TXK: variants seen among roughly 807,000 people sequenced by gnomAD.
TXK encodes the protein TXK tyrosine kinase.
Under a neutral mutation model 81.0 loss-of-function variants are expected in TXK, and 60 were observed. That is an observed-to-expected ratio of 0.74 (90% CI 0.60 to 0.92). The LOEUF (loss-of-function observed/expected upper bound fraction) is 0.92. Ranked by LOEUF, TXK falls within the 40% of genes least tolerant of loss-of-function variation. The pLI, the probability that TXK is intolerant of heterozygous loss-of-function variation, is 0.00. For missense variants in TXK, 581 were observed against 638.3 expected (o/e 0.91, Z 0.97); for synonymous variants, 203 against 210.7 (o/e 0.96, Z 0.32).
intron 1 of TXK, among the ~76,000 whole-genome samples, chr4:48,128,067 C>T (rs1560364452): frequency 1.3e-5 from 2 of 152,118 alleles, no homozygotes; most frequent in Non-Finnish European, 2.9e-5. Context: ...CCGGGCTGCG[C>T]GGGAAGCAAA....
intron 10 of TXK, among the ~76,000 whole-genome samples, chr4:48,084,823 A>AGAGAATGGGTCCAGTTAATT (rs1560344690): frequency 1.7e-5 from 1 of 60,014 alleles, no homozygotes; most frequent in Non-Finnish European, 4.3e-5. Context: ...TGCCTTCGAA[A>AGAGAATGGGTCCAGTTAATT]GAGAATGGGT....
chr4:48,087,945 T>C (rs969826423), intron 9 of TXK, among the ~76,000 whole-genome samples: 5 of 152,188 alleles, frequency 3.3e-5, no homozygotes, highest in South Asian at 2.1e-4. Flanking sequence ...AGAATTCTTA[T>C]TCTGAATATA....
chr4:48,106,327 A>G (rs1325899685), intron 5 of TXK: 6 of 152,274 alleles, frequency 3.9e-5, no homozygotes, highest in Middle Eastern at 3.4e-3. Context: ...AACTTAGAGG[A>G]GGCAAGAGCA....
intron 13 of TXK, among the ~76,000 whole-genome samples, chr4:48,073,232 CTTA>C: frequency 6.6e-6 from 1 of 152,036 alleles, no homozygotes; most frequent in Middle Eastern, 3.2e-3. Flanking sequence ...CAGTTTTAAC[CTTA>C]TTGTAGACAA....
chr4:48,129,067 C>T lies in TXK; in HGVS notation c.16+5088G>A, dbSNP rs1560364840. On this transcript the variant is annotated intron_variant, in intron 1 of 14. Coordinates refer to ENST00000264316, the MANE Select transcript of TXK (RefSeq NM_003328.3). The stretch of plus-strand genomic sequence containing the variant: ...TTTGGAGTTAGACACCAAACCAAGA[C>T]CCCACACCAAGGAGAGGGGAAAATA... Among the ~76,000 whole-genome samples, 10 of 152,038 alleles carry T rather than the reference C, an allele frequency of 6.6e-5. No individual in the cohort carries two copies. In the South Asian group the frequency reaches 1.9e-3, roughly 28 times the overall value.
intron 5 of TXK, 40 bp downstream of exon 5, chr4:48,110,498 G>A (rs768933967): frequency 8.0e-6 from 12 of 1,490,998 alleles, no homozygotes; most frequent in Non-Finnish European, 1.1e-5. Context: ...CTGCCAAAAT[G>A]TCCCTGATTT....
intron 14 of TXK, among the ~76,000 whole-genome samples, 171 bp from the exon 15 acceptor site, chr4:48,067,876 A>G (rs1716672521): frequency 6.6e-6 from 1 of 152,200 alleles, no homozygotes; most frequent in Admixed American, 6.5e-5. Context: ...CCTGCGGCAT[A>G]AATAGGCTAA....
intron 1 of TXK, among the ~76,000 whole-genome samples, chr4:48,129,179 G>T (rs1302670609): frequency 6.6e-6 from 1 of 152,092 alleles, no homozygotes; most frequent in African/African-American, 2.4e-5. Flanking sequence ...TATACATTTG[G>T]GGTCTGAAGT....
chr4:48,120,351 T>C (rs1248743928), intron 1 of TXK, among the ~76,000 whole-genome samples: 2 of 150,328 alleles, frequency 1.3e-5, no homozygotes, highest in African/African-American at 4.9e-5. Context: ...TATATACGTA[T>C]ATACGTATGT....
intron 5 of TXK, among the ~76,000 whole-genome samples, chr4:48,107,761 T>C (rs928146912): frequency 3.3e-5 from 5 of 151,574 alleles, no homozygotes; most frequent in Admixed American, 1.3e-4. Context: ...AACACTACGA[T>C]TTAAAATTGT....
chr4:48,093,301 T>A (rs755906506), intron 8 of TXK, among the ~76,000 whole-genome samples: 1 of 152,224 alleles, frequency 6.6e-6, no homozygotes, highest in Non-Finnish European at 1.5e-5. Context: ...TTGTCAACAC[T>A]TTTCATGAGA....
chr4:48,080,064 T>C lies in TXK; in HGVS notation c.1021A>G (p.Ile341Val), dbSNP rs755017459. 5.6e-6 allele frequency: 9 copies of C among 1,613,974 alleles called. No individual in the cohort carries two copies. In the South Asian group the frequency reaches 9.9e-5, roughly 18 times the overall value. Residue 341 changes from isoleucine (I) to valine (V), a missense_variant, in exon 11 of 15, where the codon ATT becomes GTT. Transcript: ENST00000264316. ...CCATTTTCCATGAACTCTGTCACAA[T>C]GTAAAGGGGCTTCCGCTGTATACAG... is the stretch of plus-strand genomic sequence containing the variant. ...GVCIQRKPLY[I>V]VTEFMENGCL... is the part of the protein sequence containing the mutation.
At chr4:48,087,245 T>A (rs1717569528) in intron 9 of TXK, among the ~76,000 whole-genome samples, 1 of 152,130 alleles carries the variant, frequency 6.6e-6, no homozygotes, top group African/African-American at 2.4e-5. Context: ...AATAAACTGT[T>A]TTTAAAATAA....
chr4:48,079,514 A>G (rs1353243590), intron 11 of TXK, among the ~76,000 whole-genome samples: 1 of 152,112 alleles, frequency 6.6e-6, no homozygotes, highest in South Asian at 2.1e-4. Context: ...TACCTAACCA[A>G]TCAGCTCTCC....
chr4:48,094,041 C>A, intron 8 of TXK, 36 bp downstream of exon 8: 1 of 1,612,564 alleles, frequency 6.2e-7, no homozygotes. Context: ...AAGGGCATGG[C>A]TCCCTGACTC....
In TXK at chr4:48,108,333, CATGAA is replaced by C. The variant is rs1165283115; in HGVS notation, c.446+2200_446+2204del. ...TGTTTTTCCTGTTAGTTTCATAGTT[CATGAA>C]ATAATAATAATCACTAGAATGTATT... On this transcript the variant is annotated intron_variant, in intron 5 of 14. Transcript: ENST00000264316. 1.2e-4 allele frequency among the ~76,000 whole-genome samples: 18 copies of C among 152,266 alleles called. No homozygotes were observed. In the East Asian group the frequency reaches 3.1e-3, roughly 26 times the overall value.
intron 1 of TXK, among the ~76,000 whole-genome samples, chr4:48,118,063 C>T (rs1718857312): frequency 6.6e-6 from 1 of 152,208 alleles, no homozygotes; most frequent in African/African-American, 2.4e-5. Context: ...TCACCAATCT[C>T]CCAATTTTGT....
At chr4:48,092,824 C>T (rs943816489) in intron 8 of TXK, among the ~76,000 whole-genome samples, 7 of 152,100 alleles carry the variant, frequency 4.6e-5, no homozygotes, top group Admixed American at 1.3e-4. Flanking sequence ...GAAGAGGAGA[C>T]GGAGGTCGCT....
intron 1 of TXK, among the ~76,000 whole-genome samples, chr4:48,129,156 A>T (rs1719175239): frequency 1.3e-5 from 2 of 152,094 alleles, no homozygotes; most frequent in Non-Finnish European, 2.9e-5. Context: ...CTTTATTCTG[A>T]GTTTATGCCC....
Sources: allele counts gnomAD v4.1 joint callset (sites outside exome capture counted in the v4.1 genomes callset), GRCh38; gene constraint gnomAD v4.1.1; transcripts MANE v1.5; gene names NCBI Gene and HGNC (gene_info 2026-07-23, HGNC 2026-07-21).